The following CRBN variants were observed in gnomAD, a reference collection of about 807,000 sequenced individuals.
CRBN encodes the protein protein cereblon.
In CRBN, 53 loss-of-function variants were observed where a neutral mutation model predicts 62.2. The observed-to-expected ratio is 0.85, with a 90% confidence interval of 0.68 to 1.07. The LOEUF (loss-of-function observed/expected upper bound fraction) is 1.07, where lower values mean the gene tolerates loss of function less well. Among genes scored for constraint, CRBN ranks in the 50% least tolerant of loss-of-function variants. The probability of loss-of-function intolerance (pLI) is 0.00; values close to 1 mark genes in which losing one functional copy is unlikely to be tolerated. For synonymous variants in CRBN, 208 were observed against 176.1 expected (o/e 1.18, Z -1.43); for missense variants, 616 against 531.1 (o/e 1.16, Z -1.57).
chr3:3,156,659 A>C, intron 5 of CRBN: 1 of 217,518 alleles, frequency 4.6e-6, no homozygotes, highest in Non-Finnish European at 9.2e-6. Context: ...TATAATCCAA[A>C]CTGTTTTTGT....
In CRBN at chr3:3,179,562, G is replaced by C. The variant is rs922975375; in HGVS notation, c.67+59C>G. 9 of 1,549,986 alleles carry C rather than the reference G, an allele frequency of 5.8e-6. No homozygotes were observed. In the African/African-American group the frequency reaches 1.2e-4, roughly 21 times the overall value. ...CCCGCCTCCCAGGCCCAGCTGCACC[G>C]CTAGCGGCTCCGAGCCTCGCCCCAC... is the stretch of plus-strand genomic sequence containing the variant. On this transcript the variant is annotated intron_variant, in intron 1 of 10. Transcript: ENST00000231948.
At chr3:3,151,502 A>G (rs199520283) in intron 10 of CRBN, among the ~76,000 whole-genome samples, 1 of 151,800 alleles carries the variant, frequency 6.6e-6, no homozygotes, top group South Asian at 2.1e-4. Flanking sequence ...GTAAATATTT[A>G]TATTCTAAAA....
intron 10 of CRBN, among the ~76,000 whole-genome samples, chr3:3,152,150 A>T (rs903902037): frequency 1.6e-4 from 24 of 147,168 alleles, no homozygotes; most frequent in Admixed American, 4.7e-4. Context: ...ATTTAAATAA[A>T]TTTTTTTTTT....
intron 1 of CRBN, among the ~76,000 whole-genome samples, chr3:3,178,338 C>G (rs1707918272): frequency 6.6e-6 from 1 of 152,216 alleles, no homozygotes; most frequent in Non-Finnish European, 1.5e-5. Context: ...CACTCAGTCT[C>G]TTCCTCTTTT....
chr3:3,162,079 G>A lies in CRBN; in HGVS notation c.687+5555C>T, dbSNP rs564527656. ...CCAAATTCATGCTCAGTTCCTCCCTGCTCTACGCAATAAACAGGAACAACC... is the reference window on the plus strand; with the variant it reads ...CCAAATTCATGCTCAGTTCCTCCCTACTCTACGCAATAAACAGGAACAACC... On this transcript the variant is annotated intron_variant, in intron 5 of 10. Coordinates refer to ENST00000231948, the MANE Select transcript of CRBN (RefSeq NM_016302.4). Among the ~76,000 whole-genome samples, 7 of 152,310 alleles carry A rather than the reference G, an allele frequency of 4.6e-5. No homozygotes were observed. In the East Asian group the frequency reaches 1.4e-3, roughly 29 times the overall value.
At chr3:3,154,855 T>A in intron 6 of CRBN, 24 bp from the exon 7 acceptor site, 2 of 1,337,212 alleles carry the variant, frequency 1.5e-6, no homozygotes, top group Non-Finnish European at 2.2e-6. Context: ...AAGGTAGCCA[T>A]AATCAAGTTC....
chr3:3,174,400 G>A, intron 2 of CRBN, 139 bp from the exon 3 acceptor site: 1 of 728,998 alleles, frequency 1.4e-6, no homozygotes, highest in Non-Finnish European at 2.3e-6. Context: ...CAGCACTTTG[G>A]GAGGCCGAGG....
intron 5 of CRBN, among the ~76,000 whole-genome samples, chr3:3,164,441 C>A (rs1244594700): frequency 1.3e-5 from 2 of 152,118 alleles, no homozygotes; most frequent in Non-Finnish European, 2.9e-5. Context: ...TGAGCCAAAG[C>A]CTAATCCAGA....
downstream of CRBN, chr3:3,149,712 A>G (rs564412488): frequency 2.1e-4 from 32 of 152,270 alleles, no homozygotes; most frequent in Non-Finnish European, 2.4e-4. Flanking sequence ...GATTGGAAGT[A>G]TTCTTGAATT....
At chr3:3,156,082 G>T (rs1319824710) in intron 6 of CRBN, 137 bp downstream of exon 6, 3 of 767,368 alleles carry the variant, frequency 3.9e-6, no homozygotes, top group Non-Finnish European at 6.6e-6. Context: ...GGGATTACAG[G>T]TGTGAGCCAC....
At chr3:3,172,716 C>T in intron 4 of CRBN, 60 bp downstream of exon 4, 3 of 1,529,574 alleles carry the variant, frequency 2.0e-6, no homozygotes, top group Admixed American at 1.7e-5. Context: ...AGAAAAAGTA[C>T]AAGAAAACTA....
chr3:3,161,899 A>C (rs1707155285), intron 5 of CRBN, among the ~76,000 whole-genome samples: 2 of 152,250 alleles, frequency 1.3e-5, no homozygotes, highest in Admixed American at 1.3e-4. Context: ...AATGCTCTAT[A>C]AACTAATACA....
chr3:3,152,602 C>T lies in CRBN; in HGVS notation c.1017-15G>A, dbSNP rs1559241131. 2 of 1,613,860 alleles carry T rather than the reference C, an allele frequency of 1.2e-6. No individual in the cohort carries two copies. Among genetic ancestry groups the T allele is most frequent in the Non-Finnish European group, 1.7e-6 (2 of 1,179,918 alleles). ...ATAAGGATAAACTAAAACAAAGAAT[C>T]AACATGGAGAACACGTCAAAACGAG... On this transcript the variant is annotated splice_polypyrimidine_tract_variant and intron_variant, in intron 9 of 10. Transcript: ENST00000231948.
chr3:3,166,990 T>C (rs1020404998), intron 5 of CRBN, among the ~76,000 whole-genome samples: 1 of 152,054 alleles, frequency 6.6e-6, no homozygotes, highest in Non-Finnish European at 1.5e-5. Context: ...TAGTAATCTT[T>C]TTCTTTAGGT....
Position 3,172,780 on chromosome 3 carries a change from C to G in CRBN, c.523G>C (p.Asp175His). 1.9e-6 allele frequency: 3 copies of G among 1,613,738 alleles called. No individual in the cohort carries two copies. The highest frequency in any genetic ancestry group is 1.7e-4 in the Middle Eastern group (1 of 6,058). Reference sequence around the variant, plus strand: ...AAGGTATATGTTATTTCTTACCCATCTGACTGTGTTCTTAGCTCAAGGACT... The same window carrying G: ...AAGGTATATGTTATTTCTTACCCATGTGACTGTGTTCTTAGCTCAAGGACT... ...FKVLELRTQS[D>H]GIQQAKVQIL... is the part of the protein sequence containing the mutation. Residue 175 changes from aspartate (D) to histidine (H), a missense_variant, in exon 4 of 11, where the codon GAT becomes CAT. Transcript: ENST00000231948.
At chr3:3,157,945 A>G (rs1358351859) in intron 5 of CRBN, among the ~76,000 whole-genome samples, 1 of 152,136 alleles carries the variant, frequency 6.6e-6, no homozygotes, top group Non-Finnish European at 1.5e-5. Context: ...ATATTTTAGG[A>G]GTTGCAATAT....
intron 1 of CRBN, among the ~76,000 whole-genome samples, chr3:3,178,421 A>G (rs1707920724): frequency 6.6e-6 from 1 of 151,534 alleles, no homozygotes; most frequent in South Asian, 2.1e-4. Flanking sequence ...CTGAAACCTA[A>G]AACTGTTTCT....
At chr3:3,171,606 A>G (rs1707617845) in intron 4 of CRBN, among the ~76,000 whole-genome samples, 2 of 152,130 alleles carry the variant, frequency 1.3e-5, no homozygotes. Context: ...TAAACACCCT[A>G]AGAGCTCTGG....
intron 8 of CRBN, 146 bp from the exon 9 acceptor site, chr3:3,153,634 T>C (rs1214164822): frequency 8.9e-6 from 6 of 671,366 alleles, no homozygotes; most frequent in Non-Finnish European, 1.6e-5. Flanking sequence ...AAAAACACTT[T>C]TAAAGATGGA....
Sources: allele counts gnomAD v4.1 joint callset (sites outside exome capture counted in the v4.1 genomes callset), GRCh38; gene constraint gnomAD v4.1.1; transcripts MANE v1.5; gene names NCBI Gene and HGNC (gene_info 2026-07-23, HGNC 2026-07-21).